Variants in BACH2 observed in about 807,000 individuals in gnomAD.
BACH2 encodes BACH transcriptional regulator 2.
Under a neutral mutation model 61.8 loss-of-function variants are expected in BACH2, and 5 were observed. The ratio of observed to expected loss-of-function variants is 0.08; its 90% CI spans 0.04 to 0.17. BACH2 has a LOEUF of 0.17. Ranked by LOEUF, BACH2 falls within the 10% of genes least tolerant of loss-of-function variation. The pLI is 1.00. For synonymous variants in BACH2, 446 were observed against 440.1 expected, an observed-to-expected ratio of 1.01 and a Z score of -0.17; for missense variants, 824 against 1,091.1, an observed-to-expected ratio of 0.76 and a Z score of 3.45.
rs370091462 is a variant in BACH2, at chr6:90,108,356, C to T, written c.-161-19247G>A. Among the ~76,000 whole-genome samples the T allele has an allele frequency of 2.6e-5, 4 of 152,286 alleles. No homozygotes were observed. In the East Asian group the frequency reaches 5.8e-4, roughly 22 times the overall value. On this transcript the variant is annotated intron_variant, in intron 4 of 8. Transcript: ENST00000257749. ...ACAGCCCTGACTAAGCTTACCTGCT[C>T]AAGCTGTCAATCCCTATTGTCTCAA...
intron 4 of BACH2, among the ~76,000 whole-genome samples, chr6:90,157,857 T>A (rs1011175076): frequency 1.3e-5 from 2 of 152,052 alleles, no homozygotes; most frequent in Non-Finnish European, 2.9e-5. Context: ...CCTGTACTGA[T>A]CACTAGAAAC....
At chr6:89,968,441 T>C (rs144711619) in intron 6 of BACH2, among the ~76,000 whole-genome samples, 1 of 152,268 alleles carries the variant, frequency 6.6e-6, no homozygotes, top group Non-Finnish European at 1.5e-5. Flanking sequence ...TGCATTGTGA[T>C]GAAAGTGTAT....
intron 3 of BACH2, among the ~76,000 whole-genome samples, chr6:90,249,165 C>A (rs1770727874): frequency 6.6e-6 from 1 of 152,108 alleles, no homozygotes; most frequent in Admixed American, 6.5e-5. Flanking sequence ...ACTCAAGATA[C>A]CACAATTTGG....
At chr6:90,136,387 C>T (rs1356129488) in intron 4 of BACH2, among the ~76,000 whole-genome samples, 14 of 152,178 alleles carry the variant, frequency 9.2e-5, no homozygotes, top group African/African-American at 2.2e-4. Context: ...GCAGTAGCTG[C>T]GGAATCTCTG....
At chr6:90,085,164 A>G (rs1159637210) in intron 5 of BACH2, among the ~76,000 whole-genome samples, 1 of 152,146 alleles carries the variant, frequency 6.6e-6, no homozygotes, top group Non-Finnish European at 1.5e-5. Context: ...ATAAGTACAG[A>G]GATTTGGTGA....
chr6:90,125,677 C>A (rs1269909938), intron 4 of BACH2, among the ~76,000 whole-genome samples: 1 of 152,210 alleles, frequency 6.6e-6, no homozygotes, highest in Non-Finnish European at 1.5e-5. Context: ...CATGTGCAGA[C>A]CATGCCCATT....
intron 5 of BACH2, among the ~76,000 whole-genome samples, chr6:90,024,739 G>A (rs1778548368): frequency 6.6e-6 from 1 of 152,150 alleles, no homozygotes; most frequent in Non-Finnish European, 1.5e-5. Context: ...TTTTGAGAGA[G>A]ATGAAGAAGA....
intron 4 of BACH2, among the ~76,000 whole-genome samples, chr6:90,141,283 C>T (rs895903009): frequency 9.2e-5 from 14 of 152,066 alleles, no homozygotes; most frequent in South Asian, 2.1e-4. Flanking sequence ...TGGGTTCAGG[C>T]GATTCTCCTG....
intron 4 of BACH2, among the ~76,000 whole-genome samples, chr6:90,185,029 C>T (rs541102153): frequency 1.4e-4 from 21 of 152,194 alleles, no homozygotes; most frequent in African/African-American, 4.1e-4. Context: ...GAATGTCAGC[C>T]GGTATGAATG....
At chr6:90,087,770 G>A (rs1020071243) in intron 5 of BACH2, among the ~76,000 whole-genome samples, 1 of 151,764 alleles carries the variant, frequency 6.6e-6, no homozygotes, top group Non-Finnish European at 1.5e-5. Flanking sequence ...CAGTAGGTGT[G>A]TATATTTGTG....
At chr6:90,204,568 G>T (rs765023275) in intron 4 of BACH2, among the ~76,000 whole-genome samples, 25 of 152,132 alleles carry the variant, frequency 1.6e-4, no homozygotes, top group Non-Finnish European at 2.6e-4. Context: ...ACTGAGACTT[G>T]ACATTTCCGA....
At chr6:90,245,198 TAA>T (rs745477241) in intron 3 of BACH2, among the ~76,000 whole-genome samples, 6 of 142,328 alleles carry the variant, frequency 4.2e-5, no homozygotes, top group African/African-American at 5.1e-5. Flanking sequence ...GATTCTGTCT[TAA>T]AAAAAAAAAA....
intron 3 of BACH2, among the ~76,000 whole-genome samples, chr6:90,246,513 TAC>T (rs1770643179): frequency 6.6e-6 from 1 of 152,120 alleles, no homozygotes; most frequent in African/African-American, 2.4e-5. Flanking sequence ...TCTAATGTAG[TAC>T]AGTGTATTAA....
intron 4 of BACH2, among the ~76,000 whole-genome samples, chr6:90,202,610 T>A (rs909377973): frequency 6.6e-6 from 1 of 152,196 alleles, no homozygotes; most frequent in African/African-American, 2.4e-5. Flanking sequence ...AAGATCCTTT[T>A]TCATGATGGG....
At chr6:90,080,763 G>A in intron 5 of BACH2, 1 of 985,276 alleles carries the variant, frequency 1.0e-6, no homozygotes. Context: ...TTACCTGTGT[G>A]CCTGCTCATT....
At chr6:90,065,092 G>A (rs1780878491) in intron 5 of BACH2, among the ~76,000 whole-genome samples, 1 of 150,304 alleles carries the variant, frequency 6.7e-6, no homozygotes, top group South Asian at 2.1e-4. Context: ...TTTACCAAAG[G>A]CATAACAGAA....
intron 3 of BACH2, among the ~76,000 whole-genome samples, chr6:90,209,468 T>C (rs922581114): frequency 1.1e-4 from 17 of 152,244 alleles, no homozygotes; most frequent in African/African-American, 3.9e-4. Flanking sequence ...AGTTTTAAAG[T>C]AGAACTTTAT....
intron 4 of BACH2, among the ~76,000 whole-genome samples, chr6:90,154,613 C>T (rs1784932524): frequency 6.6e-6 from 1 of 152,120 alleles, no homozygotes; most frequent in African/African-American, 2.4e-5. Context: ...AAGGGACCCT[C>T]TCTCTAAGCG....
At chr6:90,277,004 T>C (rs886143457) in intron 1 of BACH2, among the ~76,000 whole-genome samples, 1 of 152,226 alleles carries the variant, frequency 6.6e-6, no homozygotes, top group Admixed American at 6.5e-5. Flanking sequence ...CTTTTCATAA[T>C]GGCTGCCTTA....
Sources: gnomAD v4.1 joint callset for allele counts (sites outside exome capture counted in the v4.1 genomes callset) on GRCh38, gnomAD v4.1.1 for gene constraint, MANE v1.5 for transcripts, NCBI Gene and HGNC (gene_info 2026-07-23, HGNC 2026-07-21) for gene names.